ASTN2: variants seen among roughly 807,000 people sequenced by gnomAD.
The protein encoded by ASTN2 is astrotactin-2.
ASTN2 carries 54 observed loss-of-function variants against 139.8 expected under a neutral mutation model. The observed-to-expected ratio is 0.39, with a 90% CI of 0.31 to 0.48. The LOEUF is 0.48. Ranked by LOEUF, ASTN2 falls within the 20% of genes least tolerant of loss-of-function variation. ASTN2 has a pLI of 0.95. For missense variants in ASTN2, 1,565 were observed against 1,725.1 expected, an observed-to-expected ratio of 0.91 and a Z score of 1.64; for synonymous variants, 756 against 719.5, an observed-to-expected ratio of 1.05 and a Z score of -0.81.
intron 7 of ASTN2, among the ~76,000 whole-genome samples, chr9:117,006,080 G>A (rs1197292824): frequency 1.3e-5 from 2 of 152,094 alleles, no homozygotes; most frequent in Non-Finnish European, 2.9e-5. Context: ...GTCACCATCA[G>A]ACAACCAGAT....
chr9:117,312,001 AAAGT>A (rs1342997539), intron 1 of ASTN2, among the ~76,000 whole-genome samples: 1 of 152,160 alleles, frequency 6.6e-6, no homozygotes, highest in African/African-American at 2.4e-5. Context: ...CCCAGCTCCA[AAAGT>A]AAGTCCCCAA....
chr9:117,250,065 C>T (rs1588132853), intron 2 of ASTN2, among the ~76,000 whole-genome samples: 1 of 152,194 alleles, frequency 6.6e-6, no homozygotes, highest in African/African-American at 2.4e-5. Context: ...TTGCCCACTG[C>T]CCCCGCAGGG....
chr9:117,277,811 T>C (rs1834230162), intron 2 of ASTN2, among the ~76,000 whole-genome samples: 1 of 152,186 alleles, frequency 6.6e-6, no homozygotes, highest in Admixed American at 6.5e-5. Flanking sequence ...AATAACTGTT[T>C]CAAGAAATAA....
intron 19 of ASTN2, among the ~76,000 whole-genome samples, chr9:116,523,361 A>C (rs1018606512): frequency 5.9e-5 from 9 of 152,332 alleles, no homozygotes; most frequent in South Asian, 4.1e-4. Context: ...AAGGAAAGAC[A>C]GTAAGAAAAA....
At chr9:116,589,819 C>T (rs1854307294) in intron 19 of ASTN2, among the ~76,000 whole-genome samples, 1 of 152,218 alleles carries the variant, frequency 6.6e-6, no homozygotes, top group Non-Finnish European at 1.5e-5. Flanking sequence ...CAGACATCTT[C>T]CTCCCTCATG....
intron 5 of ASTN2, among the ~76,000 whole-genome samples, chr9:117,064,552 T>C (rs1827873951): frequency 6.6e-6 from 1 of 152,076 alleles, no homozygotes; most frequent in Non-Finnish European, 1.5e-5. Context: ...AACGCAGAAA[T>C]AGAAAGTCAA....
At chr9:116,451,522 A>G (rs1057194642) in intron 20 of ASTN2, among the ~76,000 whole-genome samples, 11 of 152,190 alleles carry the variant, frequency 7.2e-5, no homozygotes, top group African/African-American at 2.7e-4. Flanking sequence ...CAAATGAACA[A>G]GAAATGGGAC....
chr9:117,259,246 T>C (rs1007739563), intron 2 of ASTN2, among the ~76,000 whole-genome samples: 15 of 152,154 alleles, frequency 9.9e-5, no homozygotes, highest in African/African-American at 3.6e-4. Context: ...GTTGGAAAGA[T>C]TAAAAGCATG....
intron 10 of ASTN2, among the ~76,000 whole-genome samples, chr9:116,938,974 A>T (rs1193553537): frequency 6.6e-6 from 1 of 152,234 alleles, no homozygotes; most frequent in Non-Finnish European, 1.5e-5. Context: ...GACAAATATG[A>T]ATAGGACACT....
In ASTN2 at chr9:117,408,721, C is replaced by G. The variant is rs138888376; in HGVS notation, c.442+5776G>C. Among the ~76,000 whole-genome samples the G allele has an allele frequency of 4.0e-3, 602 of 152,246 alleles. 3 individuals carry two copies. The highest frequency in any genetic ancestry group is 0.031 in the Middle Eastern group (9 of 294). On this transcript the variant is annotated intron_variant, in intron 1 of 22. Transcript: ENST00000313400. ...TCTGCCTAGGTTGGTATCACTGACCCCCCAAGAAACAGCAAATCTGGTCCA... is the reference window on the plus strand; with the variant it reads ...TCTGCCTAGGTTGGTATCACTGACCGCCCAAGAAACAGCAAATCTGGTCCA...
chr9:117,320,768 C>A (rs1407431645), intron 1 of ASTN2, among the ~76,000 whole-genome samples: 1 of 152,136 alleles, frequency 6.6e-6, no homozygotes, highest in Non-Finnish European at 1.5e-5. Flanking sequence ...GTCAGGTGAT[C>A]CTTCCTCAAC....
At chr9:116,885,746 G>C (rs117638122) in intron 10 of ASTN2, among the ~76,000 whole-genome samples, 2,025 of 152,204 alleles carry the variant, frequency 0.013, 20 homozygotes, top group Non-Finnish European at 0.018. Context: ...TAGGGGTTAG[G>C]ACTTAACACA....
chr9:116,567,879 C>G (rs1268140465), intron 19 of ASTN2, among the ~76,000 whole-genome samples: 1 of 152,190 alleles, frequency 6.6e-6, no homozygotes, highest in Non-Finnish European at 1.5e-5. Flanking sequence ...GTTATTATCT[C>G]TGCATCCCAG....
At chr9:116,960,370 A>C (rs1024174967) in intron 10 of ASTN2, among the ~76,000 whole-genome samples, 6 of 152,110 alleles carry the variant, frequency 3.9e-5, no homozygotes, top group Non-Finnish European at 2.9e-5. Context: ...TTATGCTTTA[A>C]TTTGGCTTAA....
intron 19 of ASTN2, among the ~76,000 whole-genome samples, chr9:116,490,882 A>AATGAAG (rs1849499405): frequency 1.3e-5 from 2 of 152,224 alleles, no homozygotes; most frequent in Non-Finnish European, 2.9e-5. Flanking sequence ...GAAGGAACTC[A>AATGAAG]GTATGTTTGT....
intron 2 of ASTN2, among the ~76,000 whole-genome samples, chr9:117,226,673 A>T (rs899166164): frequency 6.6e-6 from 1 of 152,232 alleles, no homozygotes; most frequent in African/African-American, 2.4e-5. Context: ...CTTCATTAAC[A>T]GATGACAAAA....
intron 1 of ASTN2, among the ~76,000 whole-genome samples, chr9:117,389,159 A>G (rs1296881297): frequency 6.6e-6 from 1 of 152,212 alleles, no homozygotes; most frequent in African/African-American, 2.4e-5. Flanking sequence ...CTCACAATCC[A>G]AGCAGGTTAA....
chr9:117,310,860 G>A (rs1274029257), intron 1 of ASTN2, among the ~76,000 whole-genome samples: 1 of 152,088 alleles, frequency 6.6e-6, no homozygotes, highest in East Asian at 1.9e-4. Context: ...CTGGGCTCAA[G>A]CAATCTTCCC....
chr9:116,518,256 C>A (rs1341275724), intron 19 of ASTN2, among the ~76,000 whole-genome samples: 2 of 152,028 alleles, frequency 1.3e-5, no homozygotes, highest in East Asian at 3.9e-4. Flanking sequence ...AGCTGTGAGG[C>A]AAAAACATCA....
Sources: gnomAD v4.1 joint callset for allele counts (sites outside exome capture counted in the v4.1 genomes callset) on GRCh38, gnomAD v4.1.1 for gene constraint, MANE v1.5 for transcripts, NCBI Gene and HGNC (gene_info 2026-07-23, HGNC 2026-07-21) for gene names.